ST7: variants seen among roughly 807,000 people sequenced by gnomAD.
ST7 encodes the protein suppression of tumorigenicity 7, also known as suppressor of tumorigenicity 7 protein.
ST7 carries 28 observed loss-of-function variants against 78.7 expected under a neutral mutation model. The observed-to-expected ratio is 0.36, with a 90% CI of 0.26 to 0.49. The LOEUF (loss-of-function observed/expected upper bound fraction) is 0.49. Ranked by LOEUF, ST7 falls within the 20% of genes least tolerant of loss-of-function variation. The pLI, the probability that ST7 is intolerant of heterozygous loss-of-function variation, is 0.99. For synonymous variants in ST7, 247 were observed against 249.6 expected (o/e 0.99, Z 0.10); for missense variants, 418 against 696.0 (o/e 0.60, Z 4.49).
intron 7 of ST7, 33 bp from the exon 8 acceptor site, chr7:117,136,048 G>A: frequency 6.2e-7 from 1 of 1,608,226 alleles, no homozygotes; most frequent in Non-Finnish European, 8.5e-7. Context: ...CCTTGGCTTT[G>A]TAATTGATGG....
chr7:117,221,410 A>G (rs995959982), intron 14 of ST7, among the ~76,000 whole-genome samples: 17 of 152,198 alleles, frequency 1.1e-4, no homozygotes, highest in South Asian at 4.2e-4. Flanking sequence ...CTCCACTGAT[A>G]TACTTAGAGG....
chr7:117,080,592 C>A (rs934123546), intron 1 of ST7, among the ~76,000 whole-genome samples: 1 of 151,976 alleles, frequency 6.6e-6, no homozygotes, highest in Non-Finnish European at 1.5e-5. Context: ...TAAATTCCCA[C>A]GTGTGTAGTG....
intron 2 of ST7, among the ~76,000 whole-genome samples, chr7:117,101,393 C>G (rs992684208): frequency 6.6e-6 from 1 of 152,178 alleles, no homozygotes; most frequent in Non-Finnish European, 1.5e-5. Context: ...ATTTCCAGCT[C>G]TTTCTCTACA....
chr7:117,081,859 C>T (rs1366106183), intron 1 of ST7, among the ~76,000 whole-genome samples: 1 of 152,018 alleles, frequency 6.6e-6, no homozygotes, highest in African/African-American at 2.4e-5. Flanking sequence ...GCTACACACA[C>T]ATACACTGAG....
chr7:117,163,137 C>A (rs1049958263), intron 9 of ST7, among the ~76,000 whole-genome samples: 11 of 152,280 alleles, frequency 7.2e-5, no homozygotes, highest in African/African-American at 2.4e-4. Flanking sequence ...GATGATATTT[C>A]ATTGTGTGTA....
chr7:117,014,178 A>G (rs2115947989), intron 1 of ST7, among the ~76,000 whole-genome samples: 1 of 152,354 alleles, frequency 6.6e-6, no homozygotes, highest in African/African-American at 2.4e-5. Flanking sequence ...AAAAGATAAA[A>G]AAAGTAAAAA....
chr7:117,201,894 G>T (rs535293706), intron 12 of ST7, among the ~76,000 whole-genome samples: 1 of 151,756 alleles, frequency 6.6e-6, no homozygotes, highest in Non-Finnish European at 1.5e-5. Context: ...CCTTTCCTGC[G>T]CTGCCACGCG....
At chr7:117,225,537 C>T (rs1056466497) in intron 15 of ST7, among the ~76,000 whole-genome samples, 3 of 152,132 alleles carry the variant, frequency 2.0e-5, no homozygotes, top group African/African-American at 7.2e-5. Flanking sequence ...CGACCTGCCC[C>T]CAGAGTCTTC....
rs890960905 is a variant in ST7, at chr7:116,954,795, C to T, written c.151+1104C>T. ...ATATCTTCCCTTGTTAATCTCCATACTCTGGGAGTGCAAGTCTGGAAATGC... is the reference window on the plus strand; with the variant it reads ...ATATCTTCCCTTGTTAATCTCCATATTCTGGGAGTGCAAGTCTGGAAATGC... On this transcript the variant is annotated intron_variant, in intron 1 of 15. Coordinates refer to ENST00000323984, the MANE Select transcript of ST7 (RefSeq NM_001369598.1). 11 of 274,388 alleles carry T rather than the reference C, an allele frequency of 4.0e-5. No individual in the cohort carries two copies. The East Asian group carries it at 7.0e-4, about 17-fold the overall frequency. 17.0% of individuals were successfully genotyped at this position (274,388 alleles called of 1,614,324 possible). A position where few individuals can be genotyped will look rare whatever the true frequency, so the allele number is the denominator to read the frequency against.
chr7:117,134,176 A>G lies in ST7; in HGVS notation c.694A>G (p.Ile232Val), dbSNP rs755586924. ...PLIASSTIWEIKLLPKCATAY... is the reference protein window; with the variant it reads ...PLIASSTIWEVKLLPKCATAY... ...AATTGCTTCCTCTACCATCTGGGAG[A>G]TAAAATTGTTACCAAAGTAAGTCAA... The change falls in exon 7 of 16, where the codon ATA becomes GTA. Residue 232 changes from isoleucine (I) to valine (V), a missense_variant. Ile to Val is a conservative substitution (Grantham distance 29). Coordinates refer to ENST00000323984, the MANE Select transcript of ST7 (RefSeq NM_001369598.1). 6.2e-7 allele frequency: 1 copy of G among 1,612,042 alleles called. No homozygotes were observed. The highest frequency in any genetic ancestry group is 1.1e-5 in the South Asian group (1 of 91,008).
chr7:117,089,733 G>A lies in ST7; in HGVS notation c.152-10029G>A, dbSNP rs1039037400. On this transcript the variant is annotated intron_variant, in intron 1 of 15. Transcript: ENST00000323984. Reference sequence around the variant, plus strand: ...ACTACAGGCACCCACCACCACGCCCGGCTAGTTTTTGTATTTTTAGTAGAG... The same window carrying A: ...ACTACAGGCACCCACCACCACGCCCAGCTAGTTTTTGTATTTTTAGTAGAG... 2.0e-5 allele frequency among the ~76,000 whole-genome samples: 3 copies of A among 151,812 alleles called. No individual in the cohort carries two copies. The East Asian group carries it at 5.8e-4, about 29-fold the overall frequency.
chr7:117,142,837 C>G (rs1805437407), intron 9 of ST7, among the ~76,000 whole-genome samples: 1 of 152,114 alleles, frequency 6.6e-6, no homozygotes, highest in Non-Finnish European at 1.5e-5. Flanking sequence ...GTCTTGATCT[C>G]TTGATCTCAT....
intron 1 of ST7, among the ~76,000 whole-genome samples, chr7:117,029,356 A>C (rs948676770): frequency 6.6e-6 from 1 of 151,794 alleles, no homozygotes; most frequent in Non-Finnish European, 1.5e-5. Context: ...ATATTAAACA[A>C]TTTTTCATGT....
At chr7:117,138,293 T>A in intron 8 of ST7, 142 bp from the exon 9 acceptor site, 2 of 535,710 alleles carry the variant, frequency 3.7e-6, no homozygotes, top group East Asian at 3.0e-5. Context: ...TTTGGGAGTC[T>A]AAGTGCTTTT....
At chr7:117,003,982 C>T (rs1795051035) in intron 1 of ST7, among the ~76,000 whole-genome samples, 2 of 152,184 alleles carry the variant, frequency 1.3e-5, no homozygotes. Flanking sequence ...GAGAATGAGA[C>T]TGCCATTGTC....
intron 1 of ST7, among the ~76,000 whole-genome samples, chr7:117,036,249 GC>G (rs1796890521): frequency 6.6e-6 from 1 of 152,172 alleles, no homozygotes; most frequent in African/African-American, 2.4e-5. Context: ...CATGCAGTTA[GC>G]CACCTCCCTA....
intron 1 of ST7, chr7:116,958,817 ATTGCT>A: frequency 2.8e-6 from 1 of 362,140 alleles, no homozygotes; most frequent in Non-Finnish European, 5.3e-6. Context: ...AAAATCCTTT[ATTGCT>A]AAAAAAAAAA....
chr7:117,090,657 G>A (rs992247295), intron 1 of ST7: 4 of 165,266 alleles, frequency 2.4e-5, no homozygotes, highest in Non-Finnish European at 5.9e-5. Context: ...AGACAAACTT[G>A]TAAAATAGTC....
At chr7:117,046,652 C>T (rs979206277) in intron 1 of ST7, among the ~76,000 whole-genome samples, 2 of 151,970 alleles carry the variant, frequency 1.3e-5, no homozygotes, top group Non-Finnish European at 2.9e-5. Context: ...TGGACTATAC[C>T]ATATAACAAG....
Sources: allele counts gnomAD v4.1 joint callset (sites outside exome capture counted in the v4.1 genomes callset), GRCh38; gene constraint gnomAD v4.1.1; transcripts MANE v1.5; gene names NCBI Gene and HGNC (gene_info 2026-07-23, HGNC 2026-07-21).